Variants in ACKR2 observed in about 807,000 individuals in gnomAD.
ACKR2 encodes atypical chemokine receptor 2.
For missense variants in ACKR2, 457 were observed against 477.3 expected (o/e 0.96, Z 0.40); for synonymous variants, 207 against 192.2 (o/e 1.08, Z -0.64).
At chr3:42,845,032 G>T (rs1415375911) in intron 2 of ACKR2, among the ~76,000 whole-genome samples, 1 of 152,112 alleles carries the variant, frequency 6.6e-6, no homozygotes, top group Admixed American at 6.5e-5. Flanking sequence ...GATTGCTTCA[G>T]GCTAGGGCAT....
At chr3:42,827,117 A>G (rs1473904202) in intron 2 of ACKR2, among the ~76,000 whole-genome samples, 2 of 152,174 alleles carry the variant, frequency 1.3e-5, no homozygotes, top group African/African-American at 4.8e-5. Flanking sequence ...GAATGCATTG[A>G]GACTTGTTAT....
intron 2 of ACKR2, among the ~76,000 whole-genome samples, chr3:42,821,010 G>A (rs373631875): frequency 6.6e-5 from 10 of 151,806 alleles, no homozygotes; most frequent in African/African-American, 1.5e-4. Flanking sequence ...TCAGCCTCCC[G>A]AGTAGCTGGG....
chr3:42,810,540 C>G (rs1251876678), intron 1 of ACKR2, among the ~76,000 whole-genome samples: 1 of 152,060 alleles, frequency 6.6e-6, no homozygotes, highest in Admixed American at 6.6e-5. Flanking sequence ...GACTAACTTT[C>G]TAGCTCATTA....
At chr3:42,811,586 C>T (rs1700695574) in intron 1 of ACKR2, among the ~76,000 whole-genome samples, 1 of 152,174 alleles carries the variant, frequency 6.6e-6, no homozygotes, top group Non-Finnish European at 1.5e-5. Context: ...AAGACCCAGC[C>T]GTCCTCCCCA....
chr3:42,814,769 A>G (rs995203674), intron 1 of ACKR2, among the ~76,000 whole-genome samples: 2 of 152,254 alleles, frequency 1.3e-5, no homozygotes, highest in African/African-American at 4.8e-5. Context: ...AAGTAGGTAG[A>G]AGGAACAAGT....
At chr3:42,851,673 T>C (rs191203043) in intron 2 of ACKR2, among the ~76,000 whole-genome samples, 1 of 152,316 alleles carries the variant, frequency 6.6e-6, no homozygotes, top group African/African-American at 2.4e-5. Flanking sequence ...TCCTTGACTC[T>C]GGCTCTGAGA....
Position 42,864,811 on chromosome 3 carries a change from C to T in ACKR2, c.309C>T (p.Gly103=). ...LLFLVTLPFW[G]ISVAWHWVFG... ...TTCTGGTGACACTGCCCTTCTGGGG[C>T]ATCTCCGTGGCCTGGCATTGGGTCT... The change falls in exon 3 of 3, where the codon GGC becomes GGT. Residue 103 remains glycine, a synonymous_variant. Transcript: ENST00000422265. The T allele has an allele frequency of 1.2e-6, 2 of 1,614,214 alleles. No individual in the cohort carries two copies. The highest frequency in any genetic ancestry group is 1.7e-6 in the Non-Finnish European group (2 of 1,180,040).
chr3:42,832,224 C>T lies in ACKR2; in HGVS notation c.-38+12513C>T, dbSNP rs374952521. ...TGCCATCAGGCTAGGCGTGGTGGCTCATGCCTGTAATCCCAGCACTTTGGG... is the reference window on the plus strand; with the variant it reads ...TGCCATCAGGCTAGGCGTGGTGGCTTATGCCTGTAATCCCAGCACTTTGGG... On this transcript the variant is annotated intron_variant, in intron 2 of 2. Transcript: ENST00000422265. 9.2e-5 allele frequency among the ~76,000 whole-genome samples: 14 copies of T among 152,258 alleles called. 1 individual carries two copies. In the East Asian group the frequency reaches 2.5e-3, roughly 27 times the overall value.
intron 1 of ACKR2, among the ~76,000 whole-genome samples, chr3:42,814,896 G>A (rs1700733480): frequency 1.3e-5 from 2 of 152,216 alleles, no homozygotes; most frequent in South Asian, 4.1e-4. Flanking sequence ...GGGCCTTGAA[G>A]GATGACTAGG....
intron 2 of ACKR2, among the ~76,000 whole-genome samples, chr3:42,822,296 A>G (rs890139792): frequency 1.3e-5 from 2 of 152,194 alleles, no homozygotes; most frequent in Non-Finnish European, 2.9e-5. Context: ...TATATTTATG[A>G]AACTAAATTT....
chr3:42,817,663 C>T lies in ACKR2; in HGVS notation c.-118-1968C>T, dbSNP rs546933646. Reference sequence around the variant, plus strand: ...CTTTCTCCAGCTATTGCTCTCTTTTCTTTCTCCTCAGTTTAGGAGAAAAAA... The same window carrying T: ...CTTTCTCCAGCTATTGCTCTCTTTTTTTTCTCCTCAGTTTAGGAGAAAAAA... On this transcript the variant is annotated intron_variant, in intron 1 of 2. Coordinates refer to ENST00000422265, the MANE Select transcript of ACKR2 (RefSeq NM_001296.5). Among the ~76,000 whole-genome samples the T allele has an allele frequency of 2.0e-5, 3 of 152,206 alleles. No individual in the cohort carries two copies. The South Asian group carries it at 6.2e-4, about 32-fold the overall frequency.
chr3:42,864,673 T>A lies in ACKR2; in HGVS notation c.171T>A (p.Phe57Leu). The A allele has an allele frequency of 1.2e-6, 2 of 1,614,206 alleles. No homozygotes were observed. The highest frequency in any genetic ancestry group is 8.5e-7 in the Non-Finnish European group (1 of 1,180,044). ...TCCCAGTCTTCTATAGCCTGATTTT[T>A]GTGTTGGGCCTCAGCGGGAACCTCC... ...VFLPVFYSLI[F>L]VLGLSGNLLL... The change falls in exon 3 of 3, where the codon TTT becomes TTA. Residue 57 changes from phenylalanine (F) to leucine (L), a missense_variant. Transcript: ENST00000422265.
chr3:42,864,794 A>C lies in ACKR2; in HGVS notation c.292A>C (p.Thr98Pro). Residue 98 changes from threonine to proline, a missense_variant, in exon 3 of 3, where the codon ACA becomes CCA. By Grantham distance (38) the Thr-to-Pro change is conservative. Coordinates refer to ENST00000422265, the MANE Select transcript of ACKR2 (RefSeq NM_001296.5). ...CATCTCCAACCTTCTGTTTCTGGTG[A>C]CACTGCCCTTCTGGGGCATCTCCGT... The part of the protein sequence containing the change: ...LAISNLLFLV[T>P]LPFWGISVAW... The C allele has an allele frequency of 6.2e-7, 1 of 1,614,186 alleles. No individual in the cohort carries two copies. The highest frequency in any genetic ancestry group is 8.5e-7 in the Non-Finnish European group (1 of 1,180,040).
At position 42,859,174 on chromosome 3, in the gene ACKR2, A is replaced by G. The variant is rs138474794; in HGVS notation, c.-37-5292A>G. ...ACATTCAAATTCAGGAAATACAGAGAACACCACAAAGATACTCCTCGAGAA... is the reference window on the plus strand; with the variant it reads ...ACATTCAAATTCAGGAAATACAGAGGACACCACAAAGATACTCCTCGAGAA... On this transcript the variant is annotated intron_variant, in intron 2 of 2. Coordinates refer to ENST00000422265, the MANE Select transcript of ACKR2 (RefSeq NM_001296.5). 7.3e-4 allele frequency among the ~76,000 whole-genome samples: 111 copies of G among 152,234 alleles called. No individual in the cohort carries two copies. In the East Asian group the frequency reaches 0.02, roughly 27 times the overall value.
intron 2 of ACKR2, among the ~76,000 whole-genome samples, chr3:42,838,120 G>C (rs116262866): frequency 9.5e-4 from 145 of 152,198 alleles, no homozygotes; most frequent in African/African-American, 3.2e-3. Context: ...AAATCTTTAT[G>C]ACATTAGGGT....
At position 42,817,781 on chromosome 3, in the gene ACKR2, G is replaced by A. The variant is rs1700767786; in HGVS notation, c.-118-1850G>A. On this transcript the variant is annotated intron_variant, in intron 1 of 2. Coordinates refer to ENST00000422265, the MANE Select transcript of ACKR2 (RefSeq NM_001296.5). ...ACGCTACTGAAACAACAATAGTAAA[G>A]GACATAATTCAATGGACATATTTCA... 2.0e-5 allele frequency among the ~76,000 whole-genome samples: 3 copies of A among 152,116 alleles called. No individual in the cohort carries two copies. The South Asian group carries it at 6.2e-4, about 32-fold the overall frequency.
intron 1 of ACKR2, among the ~76,000 whole-genome samples, chr3:42,818,332 C>T (rs1700774853): frequency 6.6e-6 from 1 of 152,234 alleles, no homozygotes; most frequent in African/African-American, 2.4e-5. Flanking sequence ...GATGCCACTT[C>T]CTCCTTTCTT....
chr3:42,828,836 A>G (rs1575379228), intron 2 of ACKR2, among the ~76,000 whole-genome samples: 1 of 152,348 alleles, frequency 6.6e-6, no homozygotes, highest in South Asian at 2.1e-4. Context: ...GTGAAGTACA[A>G]TACCTGCAAT....
intron 1 of ACKR2, among the ~76,000 whole-genome samples, chr3:42,812,787 A>G (rs1175580906): frequency 7.2e-6 from 1 of 139,506 alleles, no homozygotes; most frequent in African/African-American, 2.7e-5. Context: ...CCCAGGCTCA[A>G]GTGATCCTCT....
Sources: allele counts gnomAD v4.1 joint callset (sites outside exome capture counted in the v4.1 genomes callset), GRCh38; gene constraint gnomAD v4.1.1; transcripts MANE v1.5; gene names NCBI Gene and HGNC (gene_info 2026-07-23, HGNC 2026-07-21).